The following KLHL20 variants were observed in gnomAD, a reference collection of about 807,000 sequenced individuals.
The protein encoded by KLHL20 is kelch-like protein 20.
A neutral mutation model predicts 69.5 loss-of-function variants in KLHL20; 29 were observed. The ratio of observed to expected loss-of-function variants is 0.42; its 90% confidence interval spans 0.31 to 0.57. KLHL20 has a LOEUF of 0.57. Ranked by LOEUF, KLHL20 falls within the 20% of genes least tolerant of loss-of-function variation. KLHL20 has a pLI of 0.18. For synonymous variants in KLHL20, 253 were observed against 265.2 expected (o/e 0.95, Z 0.45); for missense variants, 419 against 776.0 (o/e 0.54, Z 5.47).
At chr1:173,766,027 A>G (rs1647680464) in intron 7 of KLHL20, 119 bp from the exon 8 acceptor site, 1 of 730,072 alleles carries the variant, frequency 1.4e-6, no homozygotes, top group Admixed American at 3.4e-5. Context: ...GTTATTATTA[A>G]TCAGCCCATA....
rs1008466245 is a variant in KLHL20 at position 173,725,832 on chromosome 1, C to T, written c.24-7881C>T. On this transcript the variant is annotated intron_variant, in intron 2 of 11. Transcript: ENST00000209884. ...CTTCCAGCATGAGCGATGCAGAAGA[C>T]GAATGATTTCTGCATTTCCAACTGA... Among the ~76,000 whole-genome samples, 11 of 152,172 alleles carry T rather than the reference C, an allele frequency of 7.2e-5. No individual in the cohort carries two copies. The East Asian group carries it at 7.7e-4, about 11-fold the overall frequency.
chr1:173,733,620 A>C, intron 2 of KLHL20, 93 bp from the exon 3 acceptor site: 1 of 1,116,672 alleles, frequency 9.0e-7, no homozygotes, highest in Non-Finnish European at 1.3e-6. Flanking sequence ...AGCTAATTAC[A>C]TTTCCTTATC....
chr1:173,735,903 A>C (rs548071204), intron 3 of KLHL20, among the ~76,000 whole-genome samples: 1 of 147,182 alleles, frequency 6.8e-6, no homozygotes, highest in African/African-American at 2.5e-5. Flanking sequence ...TCTCCAACCA[A>C]CTCCATCCAG....
intron 8 of KLHL20, among the ~76,000 whole-genome samples, chr1:173,771,509 A>C (rs1371962127): frequency 2.0e-5 from 3 of 152,216 alleles, no homozygotes; most frequent in Non-Finnish European, 4.4e-5. Context: ...TAATCCCAGC[A>C]CTTTGGGAAC....
chr1:173,782,101 C>T, intron 10 of KLHL20, 23 bp from the exon 11 acceptor site: 1 of 1,542,340 alleles, frequency 6.5e-7, no homozygotes, highest in Non-Finnish European at 9.0e-7. Flanking sequence ...TCTTCAGCAG[C>T]TTACTGTATT....
At chr1:173,735,936 C>CTTTTT (rs769632286) in intron 3 of KLHL20, among the ~76,000 whole-genome samples, 37 of 105,996 alleles carry the variant, frequency 3.5e-4, no homozygotes, top group Non-Finnish European at 4.9e-4. Flanking sequence ...GCCATTCTAT[C>CTTTTT]TTTTTTTTTT....
chr1:173,732,080 C>G (rs1672307955), intron 2 of KLHL20, among the ~76,000 whole-genome samples: 1 of 151,878 alleles, frequency 6.6e-6, no homozygotes, highest in South Asian at 2.1e-4. Flanking sequence ...GCCTGTAGTC[C>G]CAGCTACTTG....
chr1:173,775,668 C>G lies in KLHL20; in HGVS notation c.1464C>G (p.His488Gln). Residue 488 changes from histidine to glutamine, a missense_variant, in exon 10 of 12, where the codon CAC (histidine) becomes CAG (glutamine). Coordinates refer to ENST00000209884, the MANE Select transcript of KLHL20 (RefSeq NM_014458.4). ...ERYNPQENRWHTIAPMGTRRK... is the reference protein window; with the variant it reads ...ERYNPQENRWQTIAPMGTRRK... ...ACAATCCTCAGGAAAACAGATGGCA[C>G]ACTATAGCCCCTATGGGGACCCGGA... is the stretch of plus-strand genomic sequence containing the variant. 6.2e-7 allele frequency: 1 copy of G among 1,614,170 alleles called. No homozygotes were observed. Among genetic ancestry groups the G allele is most frequent in the Non-Finnish European group, 8.5e-7 (1 of 1,180,002 alleles).
intron 7 of KLHL20, among the ~76,000 whole-genome samples, chr1:173,760,956 G>T (rs1378702742): frequency 1.3e-5 from 2 of 152,140 alleles, no homozygotes; most frequent in African/African-American, 4.8e-5. Flanking sequence ...ACCGCAGAAT[G>T]GATAAGAACT....
intron 3 of KLHL20, among the ~76,000 whole-genome samples, chr1:173,737,822 A>G (rs1217923062): frequency 1.3e-5 from 2 of 152,064 alleles, no homozygotes; most frequent in Non-Finnish European, 2.9e-5. Flanking sequence ...TTTTCACAAT[A>G]TTGATTCTAC....
intron 1 of KLHL20, chr1:173,715,675 C>A: frequency 4.6e-6 from 1 of 215,862 alleles, no homozygotes; most frequent in Non-Finnish European, 9.3e-6. Context: ...CTGTGGGTAT[C>A]TGGTGCTTGT....
chr1:173,755,248 G>A (rs1489711114), intron 5 of KLHL20, among the ~76,000 whole-genome samples: 2 of 151,930 alleles, frequency 1.3e-5, no homozygotes, highest in Admixed American at 6.6e-5. Flanking sequence ...TAGTAGAGAC[G>A]GGGTTTCACC....
chr1:173,737,150 C>T (rs151125537), intron 3 of KLHL20, among the ~76,000 whole-genome samples: 1 of 152,338 alleles, frequency 6.6e-6, no homozygotes, highest in East Asian at 1.9e-4. Flanking sequence ...CTGTAGTTTG[C>T]AAACATTCTC....
At chr1:173,727,561 A>G (rs562944821) in intron 2 of KLHL20, among the ~76,000 whole-genome samples, 36 of 152,328 alleles carry the variant, frequency 2.4e-4, no homozygotes, top group Admixed American at 2.1e-3. Context: ...CTCGGCAGAA[A>G]CTCTACAAGC....
chr1:173,771,217 C>A (rs1571925807), intron 8 of KLHL20, among the ~76,000 whole-genome samples: 1 of 152,164 alleles, frequency 6.6e-6, no homozygotes, highest in East Asian at 1.9e-4. Context: ...TCTAGGAGAA[C>A]AAACTTCAGA....
chr1:173,730,451 G>A (rs199908691), intron 2 of KLHL20, among the ~76,000 whole-genome samples: 15,153 of 150,654 alleles, frequency 0.1, 761 homozygotes, highest in East Asian at 0.22. Context: ...GAGGCATCAT[G>A]CTACCTGACT....
At chr1:173,750,163 T>C (rs1453914687) in intron 3 of KLHL20, among the ~76,000 whole-genome samples, 1 of 152,182 alleles carries the variant, frequency 6.6e-6, no homozygotes, top group African/African-American at 2.4e-5. Context: ...CCTCAGAAAG[T>C]CTCTCACTCA....
chr1:173,750,552 C>T (rs1571894451), intron 3 of KLHL20, among the ~76,000 whole-genome samples: 2 of 149,320 alleles, frequency 1.3e-5, no homozygotes, highest in East Asian at 2.0e-4. Flanking sequence ...ATGGCGCAAT[C>T]TTGGCTTACT....
At chr1:173,730,695 A>G (rs528376596) in intron 2 of KLHL20, among the ~76,000 whole-genome samples, 6 of 152,206 alleles carry the variant, frequency 3.9e-5, no homozygotes, top group Non-Finnish European at 8.8e-5. Flanking sequence ...GGATCCCTTC[A>G]TTACACCTTA....
Sources: gnomAD v4.1 joint callset for allele counts (sites outside exome capture counted in the v4.1 genomes callset) on GRCh38, gnomAD v4.1.1 for gene constraint, MANE v1.5 for transcripts, NCBI Gene and HGNC (gene_info 2026-07-23, HGNC 2026-07-21) for gene names.